ABI3BP: variants seen among roughly 807,000 people sequenced by gnomAD.
ABI3BP encodes target of Nesh-SH3.
ABI3BP carries 216 observed loss-of-function variants against 268.6 expected under a neutral mutation model. The observed-to-expected ratio is 0.80, with a 90% CI of 0.72 to 0.90. ABI3BP has a LOEUF of 0.90. Ranked by LOEUF, ABI3BP falls within the 40% of genes least tolerant of loss-of-function variation. The probability of loss-of-function intolerance (pLI) is 0.00; values close to 1 mark genes in which losing one functional copy is unlikely to be tolerated. For synonymous variants in ABI3BP, 730 were observed against 730.0 expected (o/e 1.00, Z 0.00); for missense variants, 2,090 against 2,182.4 (o/e 0.96, Z 0.84).
intron 28 of ABI3BP, among the ~76,000 whole-genome samples, chr3:100,835,238 A>G (rs1215075518): frequency 6.6e-6 from 1 of 152,224 alleles, no homozygotes; most frequent in Admixed American, 6.5e-5. Context: ...AAAACAACAG[A>G]AAGTAAGATG....
intron 1 of ABI3BP, among the ~76,000 whole-genome samples, chr3:100,984,931 A>G (rs899002168): frequency 2.6e-5 from 4 of 152,104 alleles, no homozygotes; most frequent in African/African-American, 4.8e-5. Context: ...TTTTCTGTGT[A>G]CAACCTAAAT....
chr3:100,908,476 G>A (rs1427883175), intron 2 of ABI3BP, among the ~76,000 whole-genome samples: 2 of 152,084 alleles, frequency 1.3e-5, no homozygotes, highest in Non-Finnish European at 1.5e-5. Context: ...TACAAGGGAT[G>A]TGAAGGGCTT....
At chr3:100,948,640 G>A (rs1465373682) in intron 1 of ABI3BP, among the ~76,000 whole-genome samples, 1 of 152,128 alleles carries the variant, frequency 6.6e-6, no homozygotes, top group African/African-American at 2.4e-5. Flanking sequence ...CTCCCAGGCT[G>A]GTGGCACATT....
At chr3:100,939,650 G>A (rs1018311206) in intron 1 of ABI3BP, among the ~76,000 whole-genome samples, 2 of 152,068 alleles carry the variant, frequency 1.3e-5, no homozygotes, top group Non-Finnish European at 2.9e-5. Context: ...GCAAATGGAG[G>A]CAGGGCAAGA....
intron 4 of ABI3BP, among the ~76,000 whole-genome samples, chr3:100,897,401 T>TA (rs139448805): frequency 0.11 from 16,892 of 151,118 alleles, 1,124 homozygotes; most frequent in Non-Finnish European, 0.15. Flanking sequence ...TTCATATACA[T>TA]AAAAAAAAAC....
intron 2 of ABI3BP, among the ~76,000 whole-genome samples, chr3:100,912,549 T>TA (rs201351615): frequency 5.1e-4 from 77 of 151,046 alleles, no homozygotes; most frequent in African/African-American, 7.3e-4. Flanking sequence ...CCCACAGAAT[T>TA]AAAAAAAAAC....
intron 2 of ABI3BP, among the ~76,000 whole-genome samples, chr3:100,921,159 T>G (rs766757657): frequency 9.2e-5 from 14 of 152,208 alleles, no homozygotes; most frequent in Admixed American, 3.9e-4. Flanking sequence ...ACACGAGAAT[T>G]AAAACATTTG....
rs1311425365 is a variant in ABI3BP at position 100,970,201 on chromosome 3, T to A, written c.79+23105A>T. Reference sequence around the variant, plus strand: ...AAAGATCTTGAACTATAATGAGCAATTAATAAGTATTTGTTGAATGAACGA... The same window carrying A: ...AAAGATCTTGAACTATAATGAGCAAATAATAAGTATTTGTTGAATGAACGA... On this transcript the variant is annotated intron_variant, in intron 1 of 67. Transcript: ENST00000471714. Among the ~76,000 whole-genome samples the A allele has an allele frequency of 3.3e-5, 5 of 152,216 alleles. No individual in the cohort carries two copies. The East Asian group carries it at 7.7e-4, about 23-fold the overall frequency.
At chr3:100,914,083 T>G (rs1347671925) in intron 2 of ABI3BP, among the ~76,000 whole-genome samples, 1 of 152,170 alleles carries the variant, frequency 6.6e-6, no homozygotes, top group Non-Finnish European at 1.5e-5. Flanking sequence ...CAAACAAGTA[T>G]TTTTTGAAAA....
intron 35 of ABI3BP, among the ~76,000 whole-genome samples, chr3:100,825,389 T>C (rs551108143): frequency 6.8e-6 from 1 of 147,300 alleles, no homozygotes; most frequent in East Asian, 2.0e-4. Context: ...TTTTTTTTTT[T>C]AAATCTAGAA....
At chr3:100,779,486 A>G (rs2096804451) in intron 58 of ABI3BP, among the ~76,000 whole-genome samples, 1 of 152,188 alleles carries the variant, frequency 6.6e-6, no homozygotes, top group Non-Finnish European at 1.5e-5. Context: ...CCACATTTTA[A>G]GTCTTGTGCT....
At chr3:100,851,139 A>G (rs1434249533) in intron 15 of ABI3BP, among the ~76,000 whole-genome samples, 3 of 152,198 alleles carry the variant, frequency 2.0e-5, no homozygotes, top group Non-Finnish European at 4.4e-5. Context: ...TCAGACATAT[A>G]TCTATACCTG....
chr3:100,847,352 G>A (rs542803488), intron 19 of ABI3BP, among the ~76,000 whole-genome samples: 3 of 152,282 alleles, frequency 2.0e-5, no homozygotes, highest in East Asian at 3.9e-4. Flanking sequence ...AGATGACAAG[G>A]AAGCAGCAAT....
chr3:100,862,348 T>C lies in ABI3BP; in HGVS notation c.1248A>G (p.Lys416=). Residue 416 remains lysine (K), a synonymous_variant, in exon 14 of 68, where the codon AAA becomes AAG. Transcript: ENST00000471714. ...SEKPWIVPTA[K]ISEDSKVLQP... is the part of the protein sequence containing the mutation. ...GCAGAACTTTGGAATCTTCAGATAT[T>C]TTAGCTGTAGGCACAATCCATGGCT... is the stretch of plus-strand genomic sequence containing the variant. The C allele has an allele frequency of 6.2e-7, 1 of 1,604,920 alleles. No individual in the cohort carries two copies. Among genetic ancestry groups the C allele is most frequent in the South Asian group, 1.1e-5 (1 of 88,144 alleles).
At chr3:100,892,054 GATTGGAT>G (rs2044965447) in intron 4 of ABI3BP, among the ~76,000 whole-genome samples, 1 of 152,202 alleles carries the variant, frequency 6.6e-6, no homozygotes. Flanking sequence ...AAGCAGCGTG[GATTGGAT>G]TTACACCTCA....
chr3:100,926,251 C>T, intron 2 of ABI3BP, 51 bp downstream of exon 2: 6 of 1,580,524 alleles, frequency 3.8e-6, no homozygotes, highest in East Asian at 2.2e-5. Flanking sequence ...ATGTTACACC[C>T]CCCCACCTCT....
intron 6 of ABI3BP, among the ~76,000 whole-genome samples, chr3:100,882,599 C>T (rs2039933659): frequency 6.6e-6 from 1 of 151,974 alleles, no homozygotes; most frequent in Admixed American, 6.6e-5. Context: ...GGATACTCCA[C>T]CTCACAGCTT....
chr3:100,792,242 TA>T (rs2097215693), intron 55 of ABI3BP, among the ~76,000 whole-genome samples: 1 of 151,938 alleles, frequency 6.6e-6, no homozygotes, highest in Non-Finnish European at 1.5e-5. Context: ...TTTTTCTTTT[TA>T]ATAGCTTTTT....
At chr3:100,834,535 G>T (rs770517023) in intron 29 of ABI3BP, 149 bp downstream of exon 29, 13 of 638,078 alleles carry the variant, frequency 2.0e-5, no homozygotes, top group Non-Finnish European at 2.7e-5. Flanking sequence ...CACAGGTATC[G>T]CCAGAGCACT....
Sources: gnomAD v4.1 joint callset for allele counts (sites outside exome capture counted in the v4.1 genomes callset) on GRCh38, gnomAD v4.1.1 for gene constraint, MANE v1.5 for transcripts, NCBI Gene and HGNC (gene_info 2026-07-23, HGNC 2026-07-21) for gene names.